Variants in ST6GALNAC5 observed in about 807,000 individuals in gnomAD.
ST6GALNAC5 encodes the protein ST6 N-acetylgalactosaminide alpha-2,6-sialyltransferase 5, also known as alpha-N-acetylgalactosaminide alpha-2,6-sialyltransferase 5.
ST6GALNAC5 carries 27 observed loss-of-function variants against 33.6 expected under a neutral mutation model. The observed-to-expected ratio is 0.80, with a 90% CI of 0.59 to 1.11. The LOEUF (loss-of-function observed/expected upper bound fraction) is 1.11. ST6GALNAC5 is among the 50% of genes least tolerant of loss of function. The probability of loss-of-function intolerance (pLI) is 0.00; values close to 1 mark genes in which losing one functional copy is unlikely to be tolerated. For synonymous variants in ST6GALNAC5, 194 were observed against 171.2 expected (o/e 1.13, Z -1.04); for missense variants, 428 against 454.0 (o/e 0.94, Z 0.52).
intron 2 of ST6GALNAC5, among the ~76,000 whole-genome samples, chr1:77,012,578 AG>A (rs1428477099): frequency 1.3e-5 from 2 of 152,202 alleles, no homozygotes; most frequent in Non-Finnish European, 2.9e-5. Flanking sequence ...AGGGAAAGAC[AG>A]GTCCTAATTG....
chr1:76,998,649 T>C (rs1180015394), intron 2 of ST6GALNAC5, among the ~76,000 whole-genome samples: 1 of 152,198 alleles, frequency 6.6e-6, no homozygotes, highest in African/African-American at 2.4e-5. Context: ...TATTAGAACT[T>C]ACATTTTTTT....
Position 77,064,160 on chromosome 1 carries a change from C to T in ST6GALNAC5, c.*954C>T, listed in dbSNP as rs929160714. The T allele has an allele frequency of 6.6e-6, 1 of 152,136 alleles. No homozygotes were observed. The highest frequency in any genetic ancestry group is 1.5e-5 in the Non-Finnish European group (1 of 68,030). The allele number at this position is 152,136 out of a possible 1,614,324, so 9.4% of individuals were successfully genotyped here. ...ATGATGTCACTGTACCAGACAACCT[C>T]TTAGGTTTCATCCCAAATCTAAACT... On this transcript the variant is annotated 3_prime_UTR_variant, in exon 5 of 5. Transcript: ENST00000477717.
intron 2 of ST6GALNAC5, among the ~76,000 whole-genome samples, chr1:76,900,055 T>G (rs1646801522): frequency 6.6e-6 from 1 of 152,132 alleles, no homozygotes; most frequent in South Asian, 2.1e-4. Flanking sequence ...TGGGTGCAGG[T>G]GGGCTGAGTC....
chr1:76,925,703 G>T (rs1647079555), intron 2 of ST6GALNAC5, among the ~76,000 whole-genome samples: 2 of 151,964 alleles, frequency 1.3e-5, no homozygotes, highest in Admixed American at 6.6e-5. Context: ...TAAAAACCGA[G>T]ATTCTAATTT....
intron 2 of ST6GALNAC5, among the ~76,000 whole-genome samples, chr1:76,926,572 G>A (rs1316893259): frequency 1.3e-5 from 2 of 152,150 alleles, no homozygotes; most frequent in African/African-American, 4.8e-5. Context: ...TAGAATGTAC[G>A]CAGCTAATCC....
chr1:76,887,454 T>C (rs1289217006), intron 2 of ST6GALNAC5, among the ~76,000 whole-genome samples: 1 of 152,166 alleles, frequency 6.6e-6, no homozygotes, highest in Non-Finnish European at 1.5e-5. Flanking sequence ...TTGGTCAGTG[T>C]TTGCCTTTTA....
intron 2 of ST6GALNAC5, among the ~76,000 whole-genome samples, chr1:76,947,054 C>T (rs542172470): frequency 5.9e-5 from 9 of 151,944 alleles, no homozygotes; most frequent in East Asian, 5.8e-4. Flanking sequence ...AAAGTCATAA[C>T]AATAATTTTT....
At chr1:77,003,856 G>C (rs988844455) in intron 2 of ST6GALNAC5, among the ~76,000 whole-genome samples, 29 of 147,236 alleles carry the variant, frequency 2.0e-4, no homozygotes, top group Non-Finnish European at 3.9e-4. Context: ...TCTGCCGAGA[G>C]ATCTGCTGTT....
At chr1:76,883,690 A>G (rs1335104807) in intron 2 of ST6GALNAC5, among the ~76,000 whole-genome samples, 1 of 152,202 alleles carries the variant, frequency 6.6e-6, no homozygotes, top group East Asian at 1.9e-4. Context: ...ATTTGTTGTG[A>G]GCTCTTTGGC....
At chr1:76,991,576 C>G (rs530487193) in intron 2 of ST6GALNAC5, among the ~76,000 whole-genome samples, 2 of 152,286 alleles carry the variant, frequency 1.3e-5, no homozygotes, top group South Asian at 4.2e-4. Context: ...AGTTTCCTAA[C>G]TCAGCCTTCT....
At chr1:76,931,666 G>C (rs1647143206) in intron 2 of ST6GALNAC5, among the ~76,000 whole-genome samples, 1 of 152,064 alleles carries the variant, frequency 6.6e-6, no homozygotes, top group South Asian at 2.1e-4. Context: ...TTCATATGTT[G>C]ATCTGATATA....
chr1:76,980,438 C>A (rs927685498), intron 2 of ST6GALNAC5, among the ~76,000 whole-genome samples: 3 of 152,128 alleles, frequency 2.0e-5, no homozygotes, highest in Non-Finnish European at 4.4e-5. Flanking sequence ...ATTTCTATGA[C>A]TGTTACACAT....
chr1:76,895,620 T>C (rs1654113309), intron 2 of ST6GALNAC5, among the ~76,000 whole-genome samples: 3 of 152,216 alleles, frequency 2.0e-5, no homozygotes, highest in African/African-American at 7.2e-5. Context: ...AAAGATTATT[T>C]ATTTACTTCA....
chr1:77,017,491 G>A lies in ST6GALNAC5; in HGVS notation c.262-26713G>A, dbSNP rs78553970. Among the ~76,000 whole-genome samples, 700 of 152,272 alleles carry A rather than the reference G, an allele frequency of 4.6e-3. 7 individuals carry two copies. The highest frequency in any genetic ancestry group is 0.016 in the African/African-American group (659 of 41,556). ...GGAGCATGGCCTCTCTGCACGTCAGGGCTGCTGCTCCGCTCTGCATGACTG... is the reference window on the plus strand; with the variant it reads ...GGAGCATGGCCTCTCTGCACGTCAGAGCTGCTGCTCCGCTCTGCATGACTG... On this transcript the variant is annotated intron_variant, in intron 2 of 4. Coordinates refer to ENST00000477717, the MANE Select transcript of ST6GALNAC5 (RefSeq NM_030965.3).
At chr1:76,879,555 G>A (rs914252720) in intron 2 of ST6GALNAC5, among the ~76,000 whole-genome samples, 1 of 152,194 alleles carries the variant, frequency 6.6e-6, no homozygotes, top group Non-Finnish European at 1.5e-5. Flanking sequence ...GGTCCACTGG[G>A]ACTTTAGTCT....
chr1:76,876,849 G>C (rs1443219041), intron 2 of ST6GALNAC5, among the ~76,000 whole-genome samples: 1 of 152,144 alleles, frequency 6.6e-6, no homozygotes, highest in Non-Finnish European at 1.5e-5. Context: ...TCTCGTCTCT[G>C]TCAACTGATC....
At chr1:77,052,253 G>A (rs1045047284) in intron 4 of ST6GALNAC5, among the ~76,000 whole-genome samples, 4 of 152,182 alleles carry the variant, frequency 2.6e-5, no homozygotes, top group Non-Finnish European at 5.9e-5. Context: ...GTGCTGGAGA[G>A]AGCATTCTGC....
In ST6GALNAC5 at chr1:77,045,079, G is replaced by A. The variant is rs868064995; in HGVS notation, c.671+466G>A. Among the ~76,000 whole-genome samples the A allele has an allele frequency of 2.6e-5, 4 of 152,126 alleles. No homozygotes were observed. In the South Asian group the frequency reaches 8.3e-4, roughly 32 times the overall value. On this transcript the variant is annotated intron_variant, in intron 3 of 4. Transcript: ENST00000477717. ...AAACAGTCAAACACAAGTATATAAA[G>A]CCTTGGACACTTACCAAGTAGTAGC...
chr1:77,059,776 G>C (rs1652516634), intron 4 of ST6GALNAC5, among the ~76,000 whole-genome samples: 1 of 152,006 alleles, frequency 6.6e-6, no homozygotes, highest in Admixed American at 6.6e-5. Context: ...TGGTTTCCTA[G>C]TCCCTCATTT....
Sources: gnomAD v4.1 joint callset for allele counts (sites outside exome capture counted in the v4.1 genomes callset) on GRCh38, gnomAD v4.1.1 for gene constraint, MANE v1.5 for transcripts, NCBI Gene and HGNC (gene_info 2026-07-23, HGNC 2026-07-21) for gene names.